Variants in PRKN observed in about 807,000 individuals in gnomAD.
PRKN encodes E3 ubiquitin-protein ligase parkin.
In PRKN, 56 loss-of-function variants were observed where a neutral mutation model predicts 59.5. The observed-to-expected ratio is 0.94, with a 90% CI of 0.76 to 1.18. PRKN has a LOEUF of 1.18. PRKN is among the 50% of genes most tolerant of loss of function. The probability of loss-of-function intolerance (pLI) is 0.00; values close to 1 mark genes in which losing one functional copy is unlikely to be tolerated. For missense variants in PRKN, 657 were observed against 596.4 expected (o/e 1.10, Z -1.06); for synonymous variants, 250 against 222.1 (o/e 1.13, Z -1.12).
intron 6 of PRKN, among the ~76,000 whole-genome samples, chr6:161,873,523 A>C (rs1191795793): frequency 3.3e-5 from 5 of 150,652 alleles, no homozygotes; most frequent in African/African-American, 1.2e-4. Context: ...CGCCGGTAGC[A>C]TCCACCGCGC....
At chr6:162,190,517 C>T (rs566595321) in intron 4 of PRKN, among the ~76,000 whole-genome samples, 1 of 152,310 alleles carries the variant, frequency 6.6e-6, no homozygotes, top group Non-Finnish European at 1.5e-5. Context: ...AGTTTGGTTT[C>T]TTTCTCGCCG....
At chr6:161,627,050 C>A (rs1562567650) in intron 7 of PRKN, among the ~76,000 whole-genome samples, 1 of 152,220 alleles carries the variant, frequency 6.6e-6, no homozygotes, top group African/African-American at 2.4e-5. Flanking sequence ...AAACCCCTGG[C>A]CTTCCAAGGT....
chr6:161,803,042 T>C (rs909990845), intron 6 of PRKN, among the ~76,000 whole-genome samples: 1 of 152,168 alleles, frequency 6.6e-6, no homozygotes, highest in African/African-American at 2.4e-5. Flanking sequence ...AAAGACACCC[T>C]CCTTGCATGA....
intron 3 of PRKN, among the ~76,000 whole-genome samples, chr6:162,213,063 G>T (rs1237505051): frequency 6.6e-6 from 1 of 152,118 alleles, no homozygotes; most frequent in Admixed American, 6.5e-5. Context: ...GAAAAAAAAT[G>T]AAGATATAAA....
intron 2 of PRKN, among the ~76,000 whole-genome samples, chr6:162,298,986 T>C (rs1303678161): frequency 6.6e-6 from 1 of 152,010 alleles, no homozygotes; most frequent in Non-Finnish European, 1.5e-5. Context: ...TTCCAGGAGC[T>C]AAAAAGAGCC....
intron 1 of PRKN, among the ~76,000 whole-genome samples, chr6:162,726,521 G>A (rs1416164401): frequency 1.3e-5 from 2 of 152,188 alleles, no homozygotes; most frequent in African/African-American, 4.8e-5. Flanking sequence ...CAACATTCTT[G>A]TTTTACCACA....
intron 9 of PRKN, among the ~76,000 whole-genome samples, chr6:161,450,846 T>C (rs578236541): frequency 4.0e-5 from 6 of 148,380 alleles, no homozygotes; most frequent in South Asian, 2.1e-4. Flanking sequence ...TGAGCCACCA[T>C]GCCCGGCTTG....
intron 1 of PRKN, among the ~76,000 whole-genome samples, chr6:162,711,655 A>G (rs763640457): frequency 8.5e-5 from 13 of 152,176 alleles, no homozygotes; most frequent in Non-Finnish European, 1.5e-4. Context: ...CAACTCAGTG[A>G]CACTATGTGG....
intron 4 of PRKN, among the ~76,000 whole-genome samples, chr6:162,121,969 G>A (rs1421262328): frequency 6.6e-6 from 1 of 152,132 alleles, no homozygotes; most frequent in East Asian, 1.9e-4. Context: ...GATCATTAGG[G>A]GTCTGGTTGG....
At chr6:161,710,986 C>G (rs1266117854) in intron 7 of PRKN, among the ~76,000 whole-genome samples, 1 of 149,654 alleles carries the variant, frequency 6.7e-6, no homozygotes, top group African/African-American at 2.5e-5. Flanking sequence ...CTCTTTTCCC[C>G]TTTCCTTCCT....
chr6:162,322,308 T>A (rs532495056), intron 2 of PRKN, among the ~76,000 whole-genome samples: 1 of 152,006 alleles, frequency 6.6e-6, no homozygotes, highest in East Asian at 1.9e-4. Flanking sequence ...AAGAAAGACC[T>A]AAATAAATGG....
chr6:162,716,333 G>A (rs571239782), intron 1 of PRKN, among the ~76,000 whole-genome samples: 7 of 152,190 alleles, frequency 4.6e-5, no homozygotes, highest in African/African-American at 1.2e-4. Flanking sequence ...ACAAGATTTC[G>A]CTCTTTCGTC....
At chr6:161,851,790 T>C (rs1793445271) in intron 6 of PRKN, among the ~76,000 whole-genome samples, 1 of 151,366 alleles carries the variant, frequency 6.6e-6, no homozygotes, top group South Asian at 2.1e-4. Flanking sequence ...TAACGTGTTT[T>C]TAATAGTTAC....
At chr6:161,580,446 T>A (rs564029580) in intron 7 of PRKN, among the ~76,000 whole-genome samples, 17 of 152,132 alleles carry the variant, frequency 1.1e-4, no homozygotes, top group African/African-American at 3.1e-4. Context: ...CACACTTACA[T>A]AAGAAATTCA....
chr6:162,449,394 T>C (rs904008451), intron 1 of PRKN, among the ~76,000 whole-genome samples: 2 of 152,182 alleles, frequency 1.3e-5, no homozygotes, highest in Non-Finnish European at 2.9e-5. Context: ...CCCTACCCAA[T>C]AATTTGTGGT....
chr6:161,465,852 G>A (rs1790438074), intron 9 of PRKN, among the ~76,000 whole-genome samples: 1 of 152,002 alleles, frequency 6.6e-6, no homozygotes, highest in Non-Finnish European at 1.5e-5. Context: ...ATTACACAGT[G>A]TTTGATATTC....
At chr6:162,629,039 G>T (rs1346176872) in intron 1 of PRKN, among the ~76,000 whole-genome samples, 2 of 152,040 alleles carry the variant, frequency 1.3e-5, no homozygotes. Flanking sequence ...GCATTAATCT[G>T]GATAATGATC....
chr6:162,087,737 G>A (rs1779309175), intron 4 of PRKN, among the ~76,000 whole-genome samples: 1 of 151,808 alleles, frequency 6.6e-6, no homozygotes, highest in Non-Finnish European at 1.5e-5. Flanking sequence ...GGGATTACAG[G>A]CACACGCCAC....
intron 7 of PRKN, among the ~76,000 whole-genome samples, chr6:161,658,518 A>G (rs898755261): frequency 3.3e-5 from 5 of 152,244 alleles, no homozygotes; most frequent in African/African-American, 1.2e-4. Flanking sequence ...AGAGGAATTC[A>G]TAAGTGCCTC....
Sources: allele counts gnomAD v4.1 joint callset (sites outside exome capture counted in the v4.1 genomes callset), GRCh38; gene constraint gnomAD v4.1.1; transcripts MANE v1.5; gene names NCBI Gene and HGNC (gene_info 2026-07-23, HGNC 2026-07-21).